FAAH2: variants seen among roughly 807,000 people sequenced by gnomAD.
FAAH2 encodes the protein fatty acid amide hydrolase 2.
In FAAH2, 60 loss-of-function variants were observed where a neutral mutation model predicts 36.9. That is an observed-to-expected ratio of 1.63 (90% CI 1.32 to 2.02). The LOEUF (loss-of-function observed/expected upper bound fraction) is 2.02, where lower values mean the gene tolerates loss of function less well. FAAH2 is among the 30% of genes most tolerant of loss of function. The probability of loss-of-function intolerance (pLI) is 0.00; values close to 1 mark genes in which losing one functional copy is unlikely to be tolerated. For synonymous variants in FAAH2, 214 were observed against 143.8 expected (o/e 1.49, Z -3.49); for missense variants, 689 against 397.5 (o/e 1.73, Z -6.23).
chrX:57,388,037 T>G (rs1051717698), intron 7 of FAAH2, among the ~76,000 whole-genome samples: 6 of 111,119 alleles, frequency 5.4e-5, no homozygotes, highest in Non-Finnish European at 1.1e-4. Flanking sequence ...TTAGCAACTT[T>G]TATTATGGAA....
the FAAH2 span, among the ~76,000 whole-genome samples, chrX:57,199,223 G>A: frequency 9.1e-6 from 1 of 110,433 alleles, no homozygotes; most frequent in African/African-American, 3.3e-5. Context: ...TATTTTTTAT[G>A]TGGATATCTA....
chrX:57,382,242 A>G, intron 7 of FAAH2, among the ~76,000 whole-genome samples: 1 of 111,725 alleles, frequency 9.0e-6, no homozygotes, highest in Non-Finnish European at 1.9e-5. Context: ...TAAAATTGGC[A>G]CTCTAACATC....
the FAAH2 span, among the ~76,000 whole-genome samples, chrX:57,214,483 A>T: frequency 2.7e-5 from 3 of 110,818 alleles, no homozygotes; most frequent in South Asian, 1.1e-3. Flanking sequence ...CTGGAGTGCA[A>T]TGGTGCGATC....
chrX:57,221,664 A>C, the FAAH2 span, among the ~76,000 whole-genome samples: 1 of 111,093 alleles, frequency 9.0e-6, no homozygotes, highest in South Asian at 3.8e-4. Flanking sequence ...TTCCTTACCC[A>C]TATACTTTAC....
chrX:57,371,903 G>A (rs928452842), intron 5 of FAAH2, among the ~76,000 whole-genome samples: 1 of 111,435 alleles, frequency 9.0e-6, no homozygotes, highest in African/African-American at 3.3e-5. Context: ...TGCGGTCTTT[G>A]GTTTTTTAAT....
At chrX:57,232,415 C>CAG in the FAAH2 span, among the ~76,000 whole-genome samples, 2 of 112,143 alleles carry the variant, frequency 1.8e-5, no homozygotes, top group African/African-American at 6.5e-5. Flanking sequence ...AAGTAGTGAC[C>CAG]TACACAAAGT....
intron 10 of FAAH2, among the ~76,000 whole-genome samples, chrX:57,462,171 A>C (rs1021966789): frequency 1.5e-4 from 16 of 105,272 alleles, no homozygotes; most frequent in Admixed American, 3.1e-4. Flanking sequence ...CCTACAAAAA[A>C]AAAAAAAAAA....
rs201797806 is a variant in FAAH2 at position 57,306,728 on chromosome X, G to A, written c.276-3865G>A. 4.1e-3 allele frequency among the ~76,000 whole-genome samples: 145 copies of A among 34,941 alleles called. 1 individual carries two copies. Among genetic ancestry groups the A allele is most frequent in the Non-Finnish European group, 5.9e-3 (124 of 21,102 alleles). The allele number at this position is 34,941 out of a possible 115,157, so 30.3% of individuals were successfully genotyped here. A position where few individuals can be genotyped will look rare whatever the true frequency, so the allele number is the denominator to read the frequency against. On this transcript the variant is annotated intron_variant, in intron 2 of 10. Transcript: ENST00000374900. ...TGTGTGTGTGTGTGTGTGTGTGTGT[G>A]TGTATATATATACACACACACTATA... is the stretch of plus-strand genomic sequence containing the variant.
At chrX:57,176,263 T>A in the FAAH2 span, among the ~76,000 whole-genome samples, 1 of 89,679 alleles carries the variant, frequency 1.1e-5, no homozygotes, top group African/African-American at 5.8e-5. Context: ...AGACTTTATT[T>A]CATGTAATTG....
At chrX:57,304,966 C>T (rs2052479647) in intron 2 of FAAH2, among the ~76,000 whole-genome samples, 1 of 111,414 alleles carries the variant, frequency 9.0e-6, no homozygotes. Flanking sequence ...TCATTGCTAC[C>T]TTTGGCTTCT....
At chrX:57,125,347 G>A in the FAAH2 span, among the ~76,000 whole-genome samples, 6 of 112,220 alleles carry the variant, frequency 5.3e-5, no homozygotes, top group East Asian at 2.8e-4. Context: ...GCGTCCCAGG[G>A]ATGAAGCTCA....
intron 8 of FAAH2, among the ~76,000 whole-genome samples, chrX:57,432,866 C>A (rs900060590): frequency 9.0e-6 from 1 of 110,522 alleles, no homozygotes; most frequent in Non-Finnish European, 1.9e-5. Context: ...GCTATTGATA[C>A]CCATTTTACA....
chrX:57,166,913 C>T, the FAAH2 span, among the ~76,000 whole-genome samples: 2 of 112,003 alleles, frequency 1.8e-5, no homozygotes, highest in Non-Finnish European at 1.9e-5. Context: ...TTCAGAAGCC[C>T]TATTTGTGGA....
the FAAH2 span, among the ~76,000 whole-genome samples, chrX:57,175,883 G>T: frequency 1.8e-5 from 2 of 111,885 alleles, no homozygotes; most frequent in Non-Finnish European, 3.8e-5. Context: ...TGTTTAAGAA[G>T]GCTAAAGATA....
intron 7 of FAAH2, among the ~76,000 whole-genome samples, chrX:57,424,559 C>A (rs1002434221): frequency 1.2e-4 from 13 of 111,636 alleles, no homozygotes; most frequent in African/African-American, 3.3e-4. Flanking sequence ...GAACATAAGC[C>A]TATTCACATA....
chrX:57,381,226 T>A lies in FAAH2; in HGVS notation c.996+197T>A, dbSNP rs142859970. Among the ~76,000 whole-genome samples, 21 of 111,511 alleles carry A rather than the reference T, an allele frequency of 1.9e-4. No individual in the cohort carries two copies. The East Asian group carries it at 5.9e-3, about 31-fold the overall frequency. On this transcript the variant is annotated intron_variant, in intron 7 of 10. Coordinates refer to ENST00000374900, the MANE Select transcript of FAAH2 (RefSeq NM_174912.4). ...TTTTATTTTTTAGTAATGAAATGAG[T>A]ACTTTGAAAATAAAGTATGATAAAT...
At chrX:57,367,903 G>A (rs1432187859) in intron 5 of FAAH2, among the ~76,000 whole-genome samples, 2 of 111,696 alleles carry the variant, frequency 1.8e-5, no homozygotes, top group South Asian at 3.8e-4. Flanking sequence ...ATTTGCCCCC[G>A]TTCTTATTTG....
chrX:57,480,437 G>C (rs141212124), intron 10 of FAAH2, among the ~76,000 whole-genome samples: 1 of 111,985 alleles, frequency 8.9e-6, no homozygotes, highest in East Asian at 2.8e-4. Context: ...GTTTGGTGGT[G>C]ACAAAGTTTC....
chrX:57,164,288 G>T, the FAAH2 span, among the ~76,000 whole-genome samples: 2 of 112,100 alleles, frequency 1.8e-5, no homozygotes, highest in African/African-American at 6.5e-5. Flanking sequence ...TCCTGTAGGT[G>T]CCCAATGGGC....
Sources: allele counts gnomAD v4.1 joint callset (sites outside exome capture counted in the v4.1 genomes callset), GRCh38; gene constraint gnomAD v4.1.1; transcripts MANE v1.5; gene names NCBI Gene and HGNC (gene_info 2026-07-23, HGNC 2026-07-21).